The following ATF1 variants were observed in gnomAD, a reference collection of about 807,000 sequenced individuals.
The protein encoded by ATF1 is cyclic AMP-dependent transcription factor ATF-1.
In ATF1, 16 loss-of-function variants were observed where a neutral mutation model predicts 34.7. The observed-to-expected ratio is 0.46, with a 90% CI of 0.31 to 0.70. The LOEUF is 0.70. Ranked by LOEUF, ATF1 falls within the 30% of genes least tolerant of loss-of-function variation. The pLI is 0.05. For missense variants in ATF1, 255 were observed against 321.6 expected (o/e 0.79, Z 1.58); for synonymous variants, 105 against 113.1 (o/e 0.93, Z 0.46).
intron 1 of ATF1, among the ~76,000 whole-genome samples, chr12:50,779,303 T>A (rs767314691): frequency 2.0e-5 from 3 of 152,214 alleles, no homozygotes; most frequent in Non-Finnish European, 4.4e-5. Flanking sequence ...GAAATTGCTC[T>A]ATTTTTGTTT....
intron 1 of ATF1, among the ~76,000 whole-genome samples, chr12:50,779,549 T>TG (rs1941008070): frequency 2.0e-5 from 3 of 149,394 alleles, no homozygotes; most frequent in African/African-American, 7.6e-5. Context: ...TAGCCCTCTC[T>TG]CTTTTTTTTT....
chr12:50,770,471 G>C (rs2359188), intron 1 of ATF1, among the ~76,000 whole-genome samples: 150,780 of 152,330 alleles, frequency 0.99, 74,647 homozygotes, highest in East Asian at 1. Flanking sequence ...ATTTACCCAA[G>C]TTATAGGTAT....
chr12:50,807,477 G>A (rs943276916), intron 3 of ATF1, among the ~76,000 whole-genome samples: 95 of 152,138 alleles, frequency 6.2e-4, no homozygotes, highest in Non-Finnish European at 8.4e-4. Flanking sequence ...CCCAAAGAAG[G>A]AAAGGCTCTA....
intron 3 of ATF1, among the ~76,000 whole-genome samples, chr12:50,796,224 G>C (rs762934651): frequency 6.6e-6 from 1 of 152,042 alleles, no homozygotes; most frequent in Non-Finnish European, 1.5e-5. Context: ...GCAAGACCCT[G>C]TCTCTTCAAA....
chr12:50,815,627 T>C (rs998717734), intron 6 of ATF1, among the ~76,000 whole-genome samples: 9 of 151,664 alleles, frequency 5.9e-5, no homozygotes, highest in Non-Finnish European at 1.5e-5. Flanking sequence ...GCTCAAGTGA[T>C]CCATCCACCT....
At chr12:50,779,951 A>C (rs1397243435) in intron 1 of ATF1, among the ~76,000 whole-genome samples, 189 bp from the exon 2 acceptor site, 1 of 152,154 alleles carries the variant, frequency 6.6e-6, no homozygotes, top group Non-Finnish European at 1.5e-5. Context: ...ATTAAACTTA[A>C]ACATGTTTTT....
chr12:50,809,490 C>T lies in ATF1; in HGVS notation c.229C>T (p.Arg77Trp), dbSNP rs771929694. 23 of 1,612,510 alleles carry T rather than the reference C, an allele frequency of 1.4e-5. No homozygotes were observed. Among genetic ancestry groups the T allele is most frequent in the Non-Finnish European group, 1.8e-5 (21 of 1,179,250 alleles). ...ILKDLSSEDT[R>W]GRKGDGENSG... ...GAAAGACTTATCTTCTGAAGATACA[C>T]GGGGCAGAAAAGGAGACGGAGAAAA... The change falls in exon 4 of 7, where the codon CGG (arginine) becomes TGG (tryptophan). Residue 77 changes from arginine to tryptophan, a missense_variant. Arg to Trp is a moderately radical substitution (Grantham distance 101). Around this residue, in one of 2 missense-constraint regions of ATF1, gnomAD observed 221 missense variants for 250.7 expected, o/e 0.88. Transcript: ENST00000262053.
chr12:50,809,727 G>A (rs1313202759), intron 4 of ATF1, 138 bp downstream of exon 4: 5 of 957,450 alleles, frequency 5.2e-6, no homozygotes, highest in Non-Finnish European at 7.4e-6. Context: ...ATAATGCGAA[G>A]TACTGTTTCA....
At chr12:50,813,472 A>T (rs1941778537) in intron 4 of ATF1, among the ~76,000 whole-genome samples, 1 of 152,172 alleles carries the variant, frequency 6.6e-6, no homozygotes, top group Admixed American at 6.5e-5. Flanking sequence ...CTTTTGACTC[A>T]AAATTACAAA....
In ATF1 at chr12:50,788,343, C is replaced by T. The variant is rs565336033; in HGVS notation, c.94-7566C>T. 1.5e-3 allele frequency: 567 copies of T among 377,046 alleles called. 4 individuals carry two copies. Among genetic ancestry groups the T allele is most frequent in the South Asian group, 5.9e-3 (312 of 52,636 alleles). The allele number at this position is 377,046 out of a possible 1,614,324, so 23.4% of individuals were successfully genotyped here. On this transcript the variant is annotated intron_variant, in intron 2 of 6. Transcript: ENST00000262053. The stretch of plus-strand genomic sequence containing the variant: ...GACCACAGGTGTGTGCCATCACATC[C>T]GGCTAAACTTTTTGTATTTTTTTGT...
intron 1 of ATF1, among the ~76,000 whole-genome samples, chr12:50,767,006 A>T (rs1940653054): frequency 6.6e-6 from 1 of 152,132 alleles, no homozygotes; most frequent in Non-Finnish European, 1.5e-5. Flanking sequence ...TCTTTGTTTT[A>T]TCACACGTAT....
chr12:50,798,852 TTTC>T (rs141364898), intron 3 of ATF1, among the ~76,000 whole-genome samples: 300 of 152,316 alleles, frequency 2.0e-3, no homozygotes, highest in African/African-American at 7.0e-3. Flanking sequence ...ACCTCATACA[TTTC>T]TACCAAAAAT....
At chr12:50,807,189 C>A (rs1345537542) in intron 3 of ATF1, among the ~76,000 whole-genome samples, 5 of 152,152 alleles carry the variant, frequency 3.3e-5, no homozygotes, top group Non-Finnish European at 7.4e-5. Context: ...GGGAGAATCA[C>A]TTGAGCCCAG....
chr12:50,806,325 A>G, intron 3 of ATF1: 1 of 466,110 alleles, frequency 2.1e-6, no homozygotes. Context: ...CTCATTGAAG[A>G]ACTTGTTTAC....
chr12:50,798,812 T>C (rs1941461333), intron 3 of ATF1, among the ~76,000 whole-genome samples: 1 of 152,128 alleles, frequency 6.6e-6, no homozygotes, highest in South Asian at 2.1e-4. Context: ...CAATAAATGC[T>C]GGGAAAAAAA....
At chr12:50,788,285 C>T (rs1165054453) in intron 2 of ATF1, 2 of 448,460 alleles carry the variant, frequency 4.5e-6, no homozygotes, top group South Asian at 3.1e-5. Flanking sequence ...TGTGCTCAAG[C>T]AATCCTCCTG....
At chr12:50,767,956 T>G (rs1940679831) in intron 1 of ATF1, among the ~76,000 whole-genome samples, 2 of 151,242 alleles carry the variant, frequency 1.3e-5, no homozygotes, top group African/African-American at 4.9e-5. Flanking sequence ...CACTGCAACC[T>G]CCGCCTCCCG....
intron 3 of ATF1, among the ~76,000 whole-genome samples, chr12:50,807,802 G>GTTTTTTTTTGT (rs1941645763): frequency 2.1e-5 from 3 of 141,878 alleles, no homozygotes; most frequent in Non-Finnish European, 3.1e-5. Flanking sequence ...TTGTGTGTGT[G>GTTTTTTTTTGT]TTTTTTTTTT....
intron 1 of ATF1, among the ~76,000 whole-genome samples, chr12:50,778,223 C>CT (rs1285269808): frequency 9.1e-6 from 1 of 109,702 alleles, no homozygotes; most frequent in East Asian, 2.6e-4. Context: ...GCCATATTAA[C>CT]CTTTTTTTTT....
Sources: allele counts gnomAD v4.1 joint callset (sites outside exome capture counted in the v4.1 genomes callset), GRCh38; gene constraint gnomAD v4.1.1; regional missense constraint gnomAD v4.1.1; transcripts MANE v1.5; gene names NCBI Gene and HGNC (gene_info 2026-07-23, HGNC 2026-07-21).